Variants in MYCBP2 observed in about 807,000 individuals in gnomAD.
The protein encoded by MYCBP2 is MYC binding protein 2, also known as E3 ubiquitin-protein ligase MYCBP2.
MYCBP2 carries 120 observed loss-of-function variants against 525.3 expected under a neutral mutation model. That is an observed-to-expected ratio of 0.23 (90% CI 0.20 to 0.27). MYCBP2 has a LOEUF of 0.27. Ranked by LOEUF, MYCBP2 falls within the 10% of genes least tolerant of loss-of-function variation. The pLI is 1.00. For missense variants in MYCBP2, 4,149 were observed against 5,657.1 expected (o/e 0.73, Z 8.55); for synonymous variants, 1,894 against 1,955.8 (o/e 0.97, Z 0.83).
chr13:77,060,353 T>C (rs2039046570), intron 76 of MYCBP2, among the ~76,000 whole-genome samples: 1 of 152,234 alleles, frequency 6.6e-6, no homozygotes. Flanking sequence ...TAATGCAGTA[T>C]ACAGCACTGA....
intron 1 of MYCBP2, among the ~76,000 whole-genome samples, chr13:77,299,968 T>C (rs1594770135): frequency 6.6e-6 from 1 of 152,292 alleles, no homozygotes; most frequent in Non-Finnish European, 1.5e-5. Flanking sequence ...TAAGAACAAA[T>C]CAATTTTGCA....
At chr13:77,053,285 A>G (rs1354576625) in intron 80 of MYCBP2, among the ~76,000 whole-genome samples, 1 of 152,226 alleles carries the variant, frequency 6.6e-6, no homozygotes, top group Non-Finnish European at 1.5e-5. Flanking sequence ...TGAATAAATA[A>G]AAATATCATG....
chr13:77,277,309 A>T (rs1043728799), intron 4 of MYCBP2, among the ~76,000 whole-genome samples: 11 of 152,230 alleles, frequency 7.2e-5, no homozygotes, highest in Non-Finnish European at 1.3e-4. Context: ...GCACTTCACA[A>T]TATTAATATG....
rs368245125 is a variant in MYCBP2 at position 77,081,532 on chromosome 13, T to C, written c.11313A>G (p.Ser3771=). The C allele has an allele frequency of 1.9e-6, 3 of 1,613,810 alleles. No individual in the cohort carries two copies. The highest frequency in any genetic ancestry group is 1.7e-6 in the Non-Finnish European group (2 of 1,179,886). Residue 3771 remains serine (S), a synonymous_variant, in exon 65 of 83, where the codon TCA becomes TCG. Coordinates refer to ENST00000544440, the MANE Select transcript of MYCBP2 (RefSeq NM_015057.5). The surrounding 1 kb of genome is among the most constrained non-coding windows in gnomAD (Gnocchi z 4.6). ...TDGSTETFWE[S]GDEDKNKTKN... is the part of the protein sequence containing the mutation. ...TAGTTTTGTTTTTATCTTCATCTCC[T>C]GATTCCCAAAAGGTTTCTGTGGAGC...
intron 79 of MYCBP2, among the ~76,000 whole-genome samples, chr13:77,056,134 GT>G (rs2037982990): frequency 6.6e-6 from 1 of 150,874 alleles, no homozygotes; most frequent in Non-Finnish European, 1.5e-5. Flanking sequence ...GTGTGTGTGT[GT>G]GTGTGTGTGT....
rs1395102114 is a variant in MYCBP2, at chr13:77,243,961, A to T, written c.2382-10T>A. On this transcript the variant is annotated splice_polypyrimidine_tract_variant and intron_variant, in intron 15 of 82. Coordinates refer to ENST00000544440, the MANE Select transcript of MYCBP2 (RefSeq NM_015057.5). ...ACCACAACCACAGATCCTAGGGGGA[A>T]ATACAAAAAAAAAAAAAAAAGACAA... 2.1e-6 allele frequency: 3 copies of T among 1,445,106 alleles called. No individual in the cohort carries two copies. The highest frequency in any genetic ancestry group is 2.7e-6 in the Non-Finnish European group (3 of 1,099,162). 89.5% of individuals were successfully genotyped at this position (1,445,106 alleles called of 1,614,324 possible).
intron 52 of MYCBP2, among the ~76,000 whole-genome samples, chr13:77,133,209 A>G (rs1025901449): frequency 1.3e-5 from 2 of 152,176 alleles, no homozygotes; most frequent in Non-Finnish European, 2.9e-5. Flanking sequence ...ACTACTTTCT[A>G]CTTGTGATCC....
intron 59 of MYCBP2, 51 bp from the exon 60 acceptor site, chr13:77,090,314 T>C (rs766781205): frequency 1.3e-6 from 2 of 1,495,628 alleles, no homozygotes; most frequent in South Asian, 2.7e-5. Context: ...CTGAATGAAA[T>C]GTAACTATAC....
chr13:77,057,647 CT>C (rs949769199), intron 78 of MYCBP2, among the ~76,000 whole-genome samples: 1 of 152,080 alleles, frequency 6.6e-6, no homozygotes, highest in Non-Finnish European at 1.5e-5. Flanking sequence ...TTATTTCCCC[CT>C]GGCTTCTGAA....
chr13:77,237,654 C>CA (rs1174726697), intron 17 of MYCBP2, among the ~76,000 whole-genome samples: 1 of 151,848 alleles, frequency 6.6e-6, no homozygotes, highest in African/African-American at 2.4e-5. Flanking sequence ...CAATAAAGCA[C>CA]AAAAAAATTT....
intron 51 of MYCBP2, 95 bp from the exon 52 acceptor site, chr13:77,139,431 G>T: frequency 7.5e-7 from 1 of 1,336,736 alleles, no homozygotes; most frequent in Non-Finnish European, 1.0e-6. Context: ...AAATGATGGT[G>T]CATGTGCAGA....
In MYCBP2 at chr13:77,326,647, G is replaced by A. The variant is rs1475771708; in HGVS notation, c.129C>T (p.Asp43=). 7 of 1,536,808 alleles carry A rather than the reference G, an allele frequency of 4.6e-6. No homozygotes were observed. The highest frequency in any genetic ancestry group is 1.2e-5 in the South Asian group (1 of 84,046). The part of the protein sequence containing the change: ...APGALFMPVP[D]GSVAAAGLGL... The stretch of plus-strand genomic sequence containing the variant: ...CCAGCCCCGCAGCAGCCACGGAGCC[G>A]TCGGGAACCGGCATGAACAGCGCCC... The change falls in exon 1 of 83, where the codon GAC becomes GAT. Residue 43 remains aspartate (D), a synonymous_variant. Coordinates refer to ENST00000544440, the MANE Select transcript of MYCBP2 (RefSeq NM_015057.5). The surrounding 1 kb of genome is among the most constrained non-coding windows in gnomAD (Gnocchi z 4.2).
chr13:77,288,401 C>T lies in MYCBP2; in HGVS notation c.379-25G>A, dbSNP rs770490136. The T allele has an allele frequency of 4.2e-5, 65 of 1,563,342 alleles. No individual in the cohort carries two copies. In the South Asian group the frequency reaches 7.1e-4, roughly 17 times the overall value. On this transcript the variant is annotated intron_variant, in intron 2 of 82. Coordinates refer to ENST00000544440, the MANE Select transcript of MYCBP2 (RefSeq NM_015057.5). ...ACTGAAATACAAAACAGAATATTTC[C>T]ATTTCACACTCTTTTCTATCATCAA...
chr13:77,096,299 T>G lies in MYCBP2; in HGVS notation c.9954+13A>C. ...ATATCATTAAAAGTATAGCTCCAAATGGAATAAAATACCTTCTCCCTTGCA... is the reference window on the plus strand; with the variant it reads ...ATATCATTAAAAGTATAGCTCCAAAGGGAATAAAATACCTTCTCCCTTGCA... On this transcript the variant is annotated intron_variant, in intron 57 of 82. Transcript: ENST00000544440. The G allele has an allele frequency of 6.2e-7, 1 of 1,612,070 alleles. No individual in the cohort carries two copies. The highest frequency in any genetic ancestry group is 1.1e-5 in the South Asian group (1 of 90,878).
Position 77,171,560 on chromosome 13 carries a change from G to C in MYCBP2, c.5726C>G (p.Ala1909Gly). 1 of 1,614,030 alleles carries C rather than the reference G, an allele frequency of 6.2e-7. No individual in the cohort carries two copies. Among genetic ancestry groups the C allele is most frequent in the South Asian group, 1.1e-5 (1 of 91,082 alleles). The change falls in exon 38 of 83, where the codon GCA (alanine) becomes GGA (glycine). Residue 1909 changes from alanine (A) to glycine (G), a missense_variant. Ala to Gly is a moderately conservative substitution (Grantham distance 60, BLOSUM62 0). Transcript: ENST00000544440. ...AACGACAGTGCTTACAACAGACAAT[G>C]CTCTGCTACAGTTTTTATCTTCTTC... is the stretch of plus-strand genomic sequence containing the variant. ...ANEEDKNCSR[A>G]LSVVSTVVRA... is the part of the protein sequence containing the mutation.
intron 49 of MYCBP2, 37 bp from the exon 50 acceptor site, chr13:77,140,980 A>G: frequency 6.9e-7 from 1 of 1,446,896 alleles, no homozygotes; most frequent in Non-Finnish European, 9.5e-7. Context: ...CATTTGAGAA[A>G]AAAAGAGAAG....
chr13:77,262,486 T>A (rs1388768184), intron 10 of MYCBP2, among the ~76,000 whole-genome samples: 2 of 152,062 alleles, frequency 1.3e-5, no homozygotes, highest in Non-Finnish European at 1.5e-5. Context: ...TCACAAAATT[T>A]ATCTCATTTG....
At chr13:77,148,495 C>T (rs1467850572) in intron 47 of MYCBP2, among the ~76,000 whole-genome samples, 1 of 150,736 alleles carries the variant, frequency 6.6e-6, no homozygotes, top group Non-Finnish European at 1.5e-5. Flanking sequence ...ACGTCTAGTC[C>T]CTCTTACTTC....
chr13:77,074,011 C>T (rs577403476), intron 68 of MYCBP2, among the ~76,000 whole-genome samples: 159 of 138,296 alleles, frequency 1.1e-3, no homozygotes, highest in African/African-American at 4.0e-3. Context: ...CGCCCCCCCC[C>T]CTTTTTTTTT....
Sources: gnomAD v4.1 joint callset for allele counts (sites outside exome capture counted in the v4.1 genomes callset) on GRCh38, gnomAD v4.1.1 for gene constraint, Gnocchi (gnomAD v3.1) non-coding constraint, MANE v1.5 for transcripts, NCBI Gene and HGNC (gene_info 2026-07-23, HGNC 2026-07-21) for gene names.